Variants in CDH12 observed in about 807,000 individuals in gnomAD.
The protein encoded by CDH12 is cadherin 12, also known as cadherin-12.
A neutral mutation model predicts 74.1 loss-of-function variants in CDH12; 41 were observed. That is an observed-to-expected ratio of 0.55 (90% CI 0.43 to 0.72). The LOEUF (loss-of-function observed/expected upper bound fraction) is 0.72, where lower values mean the gene tolerates loss of function less well. CDH12 is among the 30% of genes least tolerant of loss of function. The probability of loss-of-function intolerance (pLI) is 0.00; values close to 1 mark genes in which losing one functional copy is unlikely to be tolerated. For synonymous variants in CDH12, 399 were observed against 355.0 expected, an observed-to-expected ratio of 1.12 and a Z score of -1.39; for missense variants, 945 against 977.2, an observed-to-expected ratio of 0.97 and a Z score of 0.44.
chr5:21,840,809 A>G (rs1043880683), intron 8 of CDH12, among the ~76,000 whole-genome samples: 2 of 152,140 alleles, frequency 1.3e-5, no homozygotes, highest in Non-Finnish European at 2.9e-5. Flanking sequence ...GCCATATATA[A>G]AAAGCTGAAA....
chr5:22,078,802 T>C lies in CDH12; in HGVS notation c.-126A>G. 6.9e-7 allele frequency: 1 copy of C among 1,457,974 alleles called. No individual in the cohort carries two copies. The highest frequency in any genetic ancestry group is 9.0e-7 in the Non-Finnish European group (1 of 1,110,390). The allele number at this position is 1,457,974 out of a possible 1,614,324, so 90.3% of individuals were successfully genotyped here. A position where few individuals can be genotyped will look rare whatever the true frequency, so the allele number is the denominator to read the frequency against. ...TCTTGTTTTATTGCAGAAATGATGA[T>C]GCAGGCATTAATCCTTTTGATGAAA... On this transcript the variant is annotated 5_prime_UTR_variant, in exon 5 of 15. Coordinates refer to ENST00000382254, the MANE Select transcript of CDH12 (RefSeq NM_004061.5).
At chr5:22,011,805 T>C (rs1166065847) in intron 5 of CDH12, among the ~76,000 whole-genome samples, 1 of 152,176 alleles carries the variant, frequency 6.6e-6, no homozygotes, top group East Asian at 1.9e-4. Flanking sequence ...CTATGAATAG[T>C]TCATATCTCA....
At chr5:22,326,633 T>A (rs1739119435) in intron 3 of CDH12, among the ~76,000 whole-genome samples, 1 of 152,180 alleles carries the variant, frequency 6.6e-6, no homozygotes, top group African/African-American at 2.4e-5. Context: ...CTCAAAAGTA[T>A]CCTAGACACA....
At chr5:21,845,944 G>T (rs923706171) in intron 7 of CDH12, among the ~76,000 whole-genome samples, 8 of 152,122 alleles carry the variant, frequency 5.3e-5, no homozygotes, top group African/African-American at 1.9e-4. Context: ...CAAGCTGGAA[G>T]CTTGCTCGGG....
intron 1 of CDH12, among the ~76,000 whole-genome samples, chr5:22,560,622 AC>A (rs1739005161): frequency 6.6e-6 from 1 of 152,290 alleles, no homozygotes; most frequent in Middle Eastern, 3.4e-3. Flanking sequence ...TTAAAATTTT[AC>A]AAAAAATAAA....
chr5:22,783,502 A>G (rs1452408206), intron 1 of CDH12, among the ~76,000 whole-genome samples: 2 of 152,194 alleles, frequency 1.3e-5, no homozygotes, highest in East Asian at 3.9e-4. Flanking sequence ...GTTAAAAATA[A>G]TATTATGAAT....
chr5:22,462,528 G>A (rs1276128643), intron 2 of CDH12, among the ~76,000 whole-genome samples: 1 of 152,126 alleles, frequency 6.6e-6, no homozygotes, highest in Non-Finnish European at 1.5e-5. Flanking sequence ...GTGGCATCGT[G>A]GCAGGCTGCC....
At chr5:21,884,115 G>A in intron 6 of CDH12, 1 of 1,482,096 alleles carries the variant, frequency 6.7e-7, no homozygotes. Flanking sequence ...TATGGTTGGA[G>A]ATTTTATGAA....
intron 6 of CDH12, among the ~76,000 whole-genome samples, chr5:21,966,473 G>C (rs1756591169): frequency 6.6e-6 from 1 of 152,104 alleles, no homozygotes; most frequent in Admixed American, 6.6e-5. Context: ...AGTTTAGCTT[G>C]CTGCCCCTGC....
At chr5:22,426,512 T>C (rs943434141) in intron 2 of CDH12, among the ~76,000 whole-genome samples, 2 of 152,068 alleles carry the variant, frequency 1.3e-5, no homozygotes, top group African/African-American at 4.8e-5. Flanking sequence ...CACAAAATGA[T>C]AGGCAAGAAC....
In CDH12 at chr5:22,131,750, G is replaced by A. The variant is rs184920981; in HGVS notation, c.-186-52888C>T. On this transcript the variant is annotated intron_variant, in intron 4 of 14. Transcript: ENST00000382254. ...TCTCAGATTATCCAGACCTAAGGAA[G>A]GATACATTCATCTATAGCTCCCTCT... Among the ~76,000 whole-genome samples the A allele has an allele frequency of 3.0e-3, 455 of 152,232 alleles. 7 individuals are homozygous for A. Among genetic ancestry groups the A allele is most frequent in the African/African-American group, 0.01 (426 of 41,560 alleles).
chr5:22,366,646 CAT>C (rs1369015252), intron 3 of CDH12, among the ~76,000 whole-genome samples: 1 of 152,096 alleles, frequency 6.6e-6, no homozygotes, highest in Non-Finnish European at 1.5e-5. Context: ...TTGACAGATG[CAT>C]AGTAGTTTTT....
At chr5:21,920,961 A>G (rs1474233021) in intron 6 of CDH12, among the ~76,000 whole-genome samples, 1 of 152,208 alleles carries the variant, frequency 6.6e-6, no homozygotes, top group Non-Finnish European at 1.5e-5. Context: ...CCTCTGCAGC[A>G]GATGCTTGGA....
intron 2 of CDH12, among the ~76,000 whole-genome samples, chr5:22,492,386 C>T (rs999586885): frequency 8.1e-5 from 12 of 148,854 alleles, no homozygotes; most frequent in Non-Finnish European, 1.5e-4. Flanking sequence ...CTTGCTCTGT[C>T]ACCCAGGCAG....
At chr5:21,790,107 CAA>C (rs1746409002) in intron 10 of CDH12, among the ~76,000 whole-genome samples, 2 of 151,974 alleles carry the variant, frequency 1.3e-5, no homozygotes, top group South Asian at 4.2e-4. Flanking sequence ...GAAAACTCCT[CAA>C]GAGTTTTCCC....
At chr5:22,670,296 A>G (rs1158008955) in intron 1 of CDH12, among the ~76,000 whole-genome samples, 2 of 152,074 alleles carry the variant, frequency 1.3e-5, no homozygotes, top group Non-Finnish European at 2.9e-5. Context: ...TGGGATTACA[A>G]GTGTGATCCA....
intron 3 of CDH12, among the ~76,000 whole-genome samples, chr5:22,338,547 A>T (rs186148846): frequency 1.9e-4 from 29 of 152,266 alleles, no homozygotes; most frequent in Admixed American, 1.6e-3. Context: ...ATAATAATTT[A>T]ATTGTACATT....
At chr5:22,815,825 A>G (rs1040130273) in intron 1 of CDH12, among the ~76,000 whole-genome samples, 13 of 151,528 alleles carry the variant, frequency 8.6e-5, no homozygotes, top group African/African-American at 3.1e-4. Flanking sequence ...AAAACATACT[A>G]CCGGTGAAAG....
chr5:22,724,254 T>C (rs1314167760), intron 1 of CDH12, among the ~76,000 whole-genome samples: 1 of 137,406 alleles, frequency 7.3e-6, no homozygotes, highest in Non-Finnish European at 1.7e-5. Flanking sequence ...TAATTTCAAT[T>C]GTTTTTGGGG....
Sources: gnomAD v4.1 joint callset for allele counts (sites outside exome capture counted in the v4.1 genomes callset) on GRCh38, gnomAD v4.1.1 for gene constraint, MANE v1.5 for transcripts, NCBI Gene and HGNC (gene_info 2026-07-23, HGNC 2026-07-21) for gene names.